TMEM131: variants seen among roughly 807,000 people sequenced by gnomAD.
TMEM131 encodes the protein transmembrane protein 131, also known as 2610524E03Rik.
In TMEM131, 66 loss-of-function variants were observed where a neutral mutation model predicts 211.6. That is an observed-to-expected ratio of 0.31 (90% confidence interval 0.26 to 0.38). TMEM131 has a LOEUF of 0.38. Ranked by LOEUF, TMEM131 falls within the 10% of genes least tolerant of loss-of-function variation. The pLI, the probability that TMEM131 is intolerant of heterozygous loss-of-function variation, is 1.00. For synonymous variants in TMEM131, 844 were observed against 841.3 expected (o/e 1.00, Z -0.06); for missense variants, 2,036 against 2,299.3 (o/e 0.89, Z 2.34).
At chr2:97,986,149 A>G (rs1035306800) in intron 1 of TMEM131, among the ~76,000 whole-genome samples, 2 of 152,244 alleles carry the variant, frequency 1.3e-5, no homozygotes, top group African/African-American at 2.4e-5. Flanking sequence ...AAAAGTATTC[A>G]GTCTTAGTAG....
chr2:97,984,147 C>T (rs1241103799), intron 1 of TMEM131, among the ~76,000 whole-genome samples: 1 of 152,124 alleles, frequency 6.6e-6, no homozygotes, highest in Non-Finnish European at 1.5e-5. Context: ...TATTCTATTC[C>T]ATTAATTTGT....
chr2:97,815,319 C>G lies in TMEM131; in HGVS notation c.1184-12G>C. The stretch of plus-strand genomic sequence containing the variant: ...TTTTGCCTTCGATGCTGAAAGGAAG[C>G]ATAAAAAATAATCTCTGTTACCTTT... On this transcript the variant is annotated splice_polypyrimidine_tract_variant and intron_variant, in intron 12 of 40. Transcript: ENST00000186436. The G allele has an allele frequency of 6.7e-7, 1 of 1,500,860 alleles. No individual in the cohort carries two copies. Among genetic ancestry groups the G allele is most frequent in the Admixed American group, 2.4e-5 (1 of 41,966 alleles). 93.0% of individuals were successfully genotyped at this position (1,500,860 alleles called of 1,614,324 possible).
chr2:97,910,967 T>G (rs1676267952), intron 2 of TMEM131, among the ~76,000 whole-genome samples: 1 of 152,196 alleles, frequency 6.6e-6, no homozygotes, highest in African/African-American at 2.4e-5. Flanking sequence ...GTACAATGAA[T>G]GGCTTGTACA....
chr2:97,823,416 A>G (rs1475129523), intron 11 of TMEM131, among the ~76,000 whole-genome samples: 1 of 152,198 alleles, frequency 6.6e-6, no homozygotes, highest in Non-Finnish European at 1.5e-5. Context: ...TACATGGTCT[A>G]GGGCAAACCT....
chr2:97,810,853 T>C (rs1198619130), intron 18 of TMEM131, among the ~76,000 whole-genome samples: 1 of 152,204 alleles, frequency 6.6e-6, no homozygotes, highest in Non-Finnish European at 1.5e-5. Flanking sequence ...GATATAACCA[T>C]CTGTTTAAGC....
chr2:97,803,210 A>C (rs1291222946), intron 22 of TMEM131, among the ~76,000 whole-genome samples: 1 of 152,236 alleles, frequency 6.6e-6, no homozygotes, highest in Non-Finnish European at 1.5e-5. Flanking sequence ...ATGTGCCTAG[A>C]GGAAAGATCT....
At chr2:97,851,223 C>A (rs771534630) in intron 5 of TMEM131, among the ~76,000 whole-genome samples, 9 of 152,044 alleles carry the variant, frequency 5.9e-5, no homozygotes, top group Non-Finnish European at 1.3e-4. Context: ...TACTATCTGC[C>A]TATTTGCCAC....
chr2:97,836,946 T>A (rs1246833476), intron 8 of TMEM131, 131 bp downstream of exon 8: 1 of 726,890 alleles, frequency 1.4e-6, no homozygotes, highest in Non-Finnish European at 2.3e-6. Flanking sequence ...TGACATAAAT[T>A]AACATTAAGA....
At chr2:97,842,412 T>A (rs1480238091) in intron 6 of TMEM131, among the ~76,000 whole-genome samples, 1 of 152,168 alleles carries the variant, frequency 6.6e-6, no homozygotes, top group Non-Finnish European at 1.5e-5. Flanking sequence ...GCTAGGCACA[T>A]ATACAATAGT....
intron 2 of TMEM131, among the ~76,000 whole-genome samples, chr2:97,923,667 T>C: frequency 6.6e-6 from 1 of 151,494 alleles, no homozygotes; most frequent in African/African-American, 2.4e-5. Context: ...AAAATTCTGT[T>C]TGTGTTTTCA....
chr2:97,927,141 T>C (rs1288714419), intron 2 of TMEM131, among the ~76,000 whole-genome samples: 1 of 152,206 alleles, frequency 6.6e-6, no homozygotes, highest in Non-Finnish European at 1.5e-5. Context: ...AACCACTCTC[T>C]ATTACATTTC....
chr2:97,946,152 T>C (rs1398951473), intron 1 of TMEM131, among the ~76,000 whole-genome samples: 1 of 151,864 alleles, frequency 6.6e-6, no homozygotes, highest in East Asian at 1.9e-4. Flanking sequence ...ATATGGTATA[T>C]CCATACAGTT....
chr2:97,956,816 C>T (rs182460334), intron 1 of TMEM131, among the ~76,000 whole-genome samples: 8 of 151,988 alleles, frequency 5.3e-5, no homozygotes, highest in Admixed American at 2.6e-4. Context: ...TATCCAACAG[C>T]GGCTGGGCAC....
intron 1 of TMEM131, among the ~76,000 whole-genome samples, chr2:97,944,046 C>A (rs1677921026): frequency 6.6e-6 from 1 of 152,024 alleles, no homozygotes; most frequent in South Asian, 2.1e-4. Context: ...TGCGCCACTG[C>A]ACTCCAGCCT....
At chr2:97,789,787 G>A (rs577172295) in intron 31 of TMEM131, among the ~76,000 whole-genome samples, 1 of 152,332 alleles carries the variant, frequency 6.6e-6, no homozygotes, top group South Asian at 2.1e-4. Flanking sequence ...AAGTGTTAGA[G>A]GGGGGAGAAA....
intron 3 of TMEM131, among the ~76,000 whole-genome samples, chr2:97,889,113 G>T (rs1375870779): frequency 1.3e-5 from 2 of 152,130 alleles, no homozygotes; most frequent in Non-Finnish European, 2.9e-5. Flanking sequence ...ATTCTATAAA[G>T]ATTAAATAAT....
chr2:97,941,545 G>T (rs1339860923), intron 1 of TMEM131, among the ~76,000 whole-genome samples: 1 of 152,134 alleles, frequency 6.6e-6, no homozygotes, highest in African/African-American at 2.4e-5. Flanking sequence ...GCAACCTACA[G>T]AATGGGAGAA....
intron 1 of TMEM131, among the ~76,000 whole-genome samples, chr2:97,988,023 CAGTT>C (rs1245331577): frequency 2.6e-5 from 4 of 152,152 alleles, no homozygotes; most frequent in Non-Finnish European, 5.9e-5. Context: ...AGGAAGAAGA[CAGTT>C]AGAGGTCTCA....
intron 1 of TMEM131, among the ~76,000 whole-genome samples, chr2:97,928,469 T>C (rs991569093): frequency 5.9e-5 from 9 of 151,958 alleles, no homozygotes; most frequent in Non-Finnish European, 1.0e-4. Flanking sequence ...TCTAAATGTA[T>C]GCAAATTTTA....
Sources: gnomAD v4.1 joint callset for allele counts (sites outside exome capture counted in the v4.1 genomes callset) on GRCh38, gnomAD v4.1.1 for gene constraint, MANE v1.5 for transcripts, NCBI Gene and HGNC (gene_info 2026-07-23, HGNC 2026-07-21) for gene names.